The following STRAP variants were observed in gnomAD, a reference collection of about 807,000 sequenced individuals.
The protein encoded by STRAP is serine/threonine kinase receptor associated protein.
In STRAP, 16 loss-of-function variants were observed where a neutral mutation model predicts 47.0. The observed-to-expected ratio is 0.34, with a 90% CI of 0.23 to 0.52. The LOEUF (loss-of-function observed/expected upper bound fraction) is 0.52, where lower values mean the gene tolerates loss of function less well. Ranked by LOEUF, STRAP falls within the 20% of genes least tolerant of loss-of-function variation. STRAP has a pLI of 0.96. For synonymous variants in STRAP, 130 were observed against 142.7 expected, an observed-to-expected ratio of 0.91 and a Z score of 0.63; for missense variants, 293 against 420.0, an observed-to-expected ratio of 0.70 and a Z score of 2.64.
rs894327117 is a variant in STRAP at position 15,894,625 on chromosome 12, C to T, written c.500+482C>T. Among the ~76,000 whole-genome samples the T allele has an allele frequency of 6.6e-6, 1 of 152,160 alleles. No homozygotes were observed. Among genetic ancestry groups the T allele is most frequent in the Non-Finnish European group, 1.5e-5 (1 of 68,022 alleles). On this transcript the variant is annotated intron_variant, in intron 5 of 9. Coordinates refer to ENST00000419869, the MANE Select transcript of STRAP (RefSeq NM_007178.4). This position sits in a 1 kb window ranked among gnomAD's most constrained non-coding sequence, Gnocchi z 4.9. ...ACTAATACAGGTTGAGTATCCCTAA[C>T]CTGAAAATCTGAAATTTGAAACGCT...
At chr12:15,893,372 T>A (rs1425162279) in intron 4 of STRAP, among the ~76,000 whole-genome samples, 4 of 150,122 alleles carry the variant, frequency 2.7e-5, no homozygotes, top group African/African-American at 9.7e-5. Context: ...GTGTTCTTAT[T>A]AAATTATGCC....
At chr12:15,900,086 T>C in intron 8 of STRAP, 33 bp downstream of exon 8, 1 of 1,575,622 alleles carries the variant, frequency 6.3e-7, no homozygotes, top group Non-Finnish European at 8.6e-7. Context: ...ATAAAATTTT[T>C]AAAATGCATG....
intron 7 of STRAP, among the ~76,000 whole-genome samples, chr12:15,899,132 C>T (rs1948083434): frequency 1.3e-5 from 2 of 152,196 alleles, no homozygotes; most frequent in African/African-American, 4.8e-5. Context: ...TCTGAAGTCA[C>T]AGTGAATACC....
chr12:15,883,490 CTT>C (rs750550299), intron 1 of STRAP, 49 bp from the exon 2 acceptor site: 1 of 1,557,132 alleles, frequency 6.4e-7, no homozygotes, highest in East Asian at 2.3e-5. Context: ...GAATCTTAGA[CTT>C]TAAGTAATCT....
intron 7 of STRAP, 21 bp downstream of exon 7, chr12:15,898,039 G>T: frequency 6.3e-7 from 1 of 1,589,956 alleles, no homozygotes; most frequent in Non-Finnish European, 8.5e-7. Flanking sequence ...CCCTTACAGT[G>T]ATGTGGTTAC....
At position 15,902,908 on chromosome 12, in the gene STRAP, T is replaced by TC; in HGVS notation, c.992-9_992-8insC. 6.7e-7 allele frequency: 1 copy of TC among 1,489,798 alleles called. No homozygotes were observed. Among genetic ancestry groups the TC allele is most frequent in the Non-Finnish European group, 8.9e-7 (1 of 1,128,018 alleles). The allele number at this position is 1,489,798 out of a possible 1,614,324, so 92.3% of individuals were successfully genotyped here. ...GACTTTTTTTTTTTTTTTTTTTTTT[T>TC]ACTTATAGAAGAAATTGCTTCAGAG... On this transcript the variant is annotated splice_polypyrimidine_tract_variant and intron_variant, in intron 9 of 9. Coordinates refer to ENST00000419869, the MANE Select transcript of STRAP (RefSeq NM_007178.4).
At chr12:15,899,595 T>C (rs1307322342) in intron 7 of STRAP, among the ~76,000 whole-genome samples, 1 of 152,252 alleles carries the variant, frequency 6.6e-6, no homozygotes, top group Non-Finnish European at 1.5e-5. Flanking sequence ...AAATCTACTT[T>C]CTATAGAATT....
rs73055000 is a variant in STRAP at position 15,884,967 on chromosome 12, C to T, written c.248+1291C>T. Among the ~76,000 whole-genome samples the T allele has an allele frequency of 7.0e-3, 1,068 of 152,146 alleles. 10 individuals are homozygous for T. The highest frequency in any genetic ancestry group is 9.7e-3 in the Non-Finnish European group (658 of 67,988). On this transcript the variant is annotated intron_variant, in intron 2 of 9. Transcript: ENST00000419869. ...ATACCTTACCTGTTCTGACTTTTGG[C>T]GGTTAATTATGTTATTAAACTGACT...
At chr12:15,892,783 G>A (rs577972364) in intron 4 of STRAP, among the ~76,000 whole-genome samples, 10 of 152,186 alleles carry the variant, frequency 6.6e-5, no homozygotes, top group East Asian at 5.8e-4. Flanking sequence ...AAAGGACTCT[G>A]ACCTCACTTC....
At chr12:15,888,682 CT>C (rs1470342482) in intron 2 of STRAP, among the ~76,000 whole-genome samples, 2 of 152,048 alleles carry the variant, frequency 1.3e-5, no homozygotes, top group Non-Finnish European at 2.9e-5. Context: ...AGCTCTGTTA[CT>C]TACATTTTCT....
At chr12:15,900,578 C>T (rs1184249063) in intron 8 of STRAP, among the ~76,000 whole-genome samples, 1 of 151,398 alleles carries the variant, frequency 6.6e-6, no homozygotes, top group African/African-American at 2.4e-5. Context: ...AATTTTTATA[C>T]TAGCACATTT....
intron 4 of STRAP, among the ~76,000 whole-genome samples, chr12:15,893,846 C>T (rs1434263691): frequency 4.0e-5 from 6 of 151,810 alleles, no homozygotes; most frequent in Non-Finnish European, 7.4e-5. Context: ...CCTTGGGTCC[C>T]TGTCATGCAG....
At chr12:15,895,289 A>G in intron 5 of STRAP, 70 bp from the exon 6 acceptor site, 1 of 1,159,326 alleles carries the variant, frequency 8.6e-7, no homozygotes, top group Non-Finnish European at 1.2e-6. Context: ...GCTAATCTGC[A>G]GATGTAATTA....
intron 7 of STRAP, 109 bp downstream of exon 7, chr12:15,898,127 A>G: frequency 9.5e-7 from 1 of 1,055,250 alleles, no homozygotes. Flanking sequence ...GTTGAAAGTA[A>G]ATTTTTCAGC....
rs895162168 is a variant in STRAP, at chr12:15,890,527, G to A, written c.331-70G>A. 2 of 1,249,450 alleles carry A rather than the reference G, an allele frequency of 1.6e-6. No individual in the cohort carries two copies. Among genetic ancestry groups the A allele is most frequent in the African/African-American group, 1.5e-5 (1 of 65,998 alleles). 77.4% of individuals were successfully genotyped at this position (1,249,450 alleles called of 1,614,324 possible). A position where few individuals can be genotyped will look rare whatever the true frequency, so the allele number is the denominator to read the frequency against. ...GTGAGCTAGATTTTGATTTTATTTG[G>A]TGTTGAAATTTGAAAGAGAAATAAC... On this transcript the variant is annotated intron_variant, in intron 3 of 9. Coordinates refer to ENST00000419869, the MANE Select transcript of STRAP (RefSeq NM_007178.4). This position sits in a 1 kb window ranked among gnomAD's most constrained non-coding sequence, Gnocchi z 4.5.
At position 15,888,746 on chromosome 12, in the gene STRAP, T is replaced by A. The variant is rs376801528; in HGVS notation, c.249-1182T>A. Among the ~76,000 whole-genome samples, 4 of 152,310 alleles carry A rather than the reference T, an allele frequency of 2.6e-5. No individual in the cohort carries two copies. In the East Asian group the frequency reaches 7.7e-4, roughly 29 times the overall value. On this transcript the variant is annotated intron_variant, in intron 2 of 9. Coordinates refer to ENST00000419869, the MANE Select transcript of STRAP (RefSeq NM_007178.4). ...GTTTTTATAGCCATATATATGTCTT[T>A]TAATTATATTTCTTAAATGTGATAT...
At chr12:15,895,586 A>G in intron 6 of STRAP, 90 bp downstream of exon 6, 1 of 1,426,286 alleles carries the variant, frequency 7.0e-7, no homozygotes, top group Non-Finnish European at 9.4e-7. Flanking sequence ...CTTTTTTTAA[A>G]AGTAAAGAGG....
At chr12:15,883,255 A>G in intron 1 of STRAP, 1 of 1,070,144 alleles carries the variant, frequency 9.3e-7, no homozygotes, top group Non-Finnish European at 1.4e-6. Context: ...GGAAACTGAG[A>G]TTCAGGCTAA....
chr12:15,894,250 G>A lies in STRAP; in HGVS notation c.500+107G>A, dbSNP rs1372194671. The A allele has an allele frequency of 2.5e-6, 2 of 813,058 alleles. No individual in the cohort carries two copies. Among genetic ancestry groups the A allele is most frequent in the Non-Finnish European group, 4.0e-6 (2 of 494,884 alleles). The allele number at this position is 813,058 out of a possible 1,614,324, so 50.4% of individuals were successfully genotyped here. ...GAGCCGGGTGGATCATTAGAGGTCA[G>A]GAGTACTAGACCAGCCTGGCCGACA... On this transcript the variant is annotated intron_variant, in intron 5 of 9. Coordinates refer to ENST00000419869, the MANE Select transcript of STRAP (RefSeq NM_007178.4). This position sits in a 1 kb window ranked among gnomAD's most constrained non-coding sequence, Gnocchi z 4.9.
Sources: gnomAD v4.1 joint callset for allele counts (sites outside exome capture counted in the v4.1 genomes callset) on GRCh38, gnomAD v4.1.1 for gene constraint, Gnocchi (gnomAD v3.1) non-coding constraint, MANE v1.5 for transcripts, NCBI Gene and HGNC (gene_info 2026-07-23, HGNC 2026-07-21) for gene names.